Variants in FSTL5 observed in about 807,000 individuals in gnomAD.
The protein encoded by FSTL5 is follistatin like 5, also known as follistatin-related protein 5.
FSTL5 carries 62 observed loss-of-function variants against 89.1 expected under a neutral mutation model. The observed-to-expected ratio is 0.70, with a 90% CI of 0.57 to 0.86. The LOEUF is 0.86. Among genes scored for constraint, FSTL5 ranks in the 40% least tolerant of loss-of-function variants. The pLI, the probability that FSTL5 is intolerant of heterozygous loss-of-function variation, is 0.00. For synonymous variants in FSTL5, 383 were observed against 346.2 expected (o/e 1.11, Z -1.18); for missense variants, 1,057 against 1,001.6 (o/e 1.06, Z -0.75).
intron 15 of FSTL5, among the ~76,000 whole-genome samples, chr4:161,437,085 C>T (rs1732582529): frequency 1.3e-5 from 2 of 151,932 alleles, no homozygotes; most frequent in Admixed American, 1.3e-4. Context: ...CATATAACGC[C>T]ATTAAAATAG....
intron 6 of FSTL5, among the ~76,000 whole-genome samples, chr4:161,705,312 G>T (rs1428076971): frequency 6.6e-6 from 1 of 152,044 alleles, no homozygotes; most frequent in Non-Finnish European, 1.5e-5. Flanking sequence ...ACTGATTAGA[G>T]AGGATGACAT....
chr4:161,797,439 T>C (rs1188191524), intron 4 of FSTL5, among the ~76,000 whole-genome samples: 1 of 151,692 alleles, frequency 6.6e-6, no homozygotes, highest in Non-Finnish European at 1.5e-5. Context: ...CAGCATTTAA[T>C]CTTCCTAGTT....
chr4:161,569,981 C>A (rs986624875), intron 8 of FSTL5, among the ~76,000 whole-genome samples: 22 of 152,242 alleles, frequency 1.4e-4, no homozygotes, highest in African/African-American at 5.1e-4. Context: ...TTTCCAGAAC[C>A]AGGAGCTAAT....
chr4:161,478,761 A>G (rs1729392726), intron 13 of FSTL5, among the ~76,000 whole-genome samples: 1 of 152,108 alleles, frequency 6.6e-6, no homozygotes, highest in Non-Finnish European at 1.5e-5. Context: ...ACAAATGACC[A>G]TAAAATGCCA....
intron 7 of FSTL5, among the ~76,000 whole-genome samples, chr4:161,626,357 A>G (rs1200818470): frequency 2.0e-5 from 3 of 152,142 alleles, no homozygotes; most frequent in African/African-American, 7.2e-5. Flanking sequence ...GGCCCTAAGA[A>G]TTATTCTAAA....
intron 7 of FSTL5, among the ~76,000 whole-genome samples, chr4:161,637,988 C>G (rs960157981): frequency 1.3e-5 from 2 of 151,768 alleles, no homozygotes; most frequent in African/African-American, 4.8e-5. Context: ...TAGTTTTTTC[C>G]AATTCTGTGA....
chr4:162,015,723 A>C (rs149782579), intron 3 of FSTL5, among the ~76,000 whole-genome samples: 283 of 152,308 alleles, frequency 1.9e-3, no homozygotes, highest in African/African-American at 6.5e-3. Context: ...TTGGTAAAGC[A>C]CTGCCTCTAT....
intron 6 of FSTL5, among the ~76,000 whole-genome samples, chr4:161,686,605 C>T (rs1560789965): frequency 6.6e-6 from 1 of 151,266 alleles, no homozygotes; most frequent in African/African-American, 2.4e-5. Flanking sequence ...CGTGATCTGC[C>T]CACCTTGGCC....
At chr4:161,702,867 C>T (rs1339236582) in intron 6 of FSTL5, among the ~76,000 whole-genome samples, 1 of 151,920 alleles carries the variant, frequency 6.6e-6, no homozygotes, top group Admixed American at 6.6e-5. Flanking sequence ...GAATTGTGTC[C>T]CCTACAAAAT....
At chr4:161,683,060 A>G (rs1737582480) in intron 6 of FSTL5, among the ~76,000 whole-genome samples, 1 of 152,130 alleles carries the variant, frequency 6.6e-6, no homozygotes, top group African/African-American at 2.4e-5. Flanking sequence ...TTCTTTTTTA[A>G]TAAGTAGAAG....
At chr4:161,521,436 A>C (rs1731016245) in intron 10 of FSTL5, among the ~76,000 whole-genome samples, 1 of 152,136 alleles carries the variant, frequency 6.6e-6, no homozygotes. Flanking sequence ...GAGAAGCCTT[A>C]AGTCTTCTTT....
At chr4:162,042,979 G>C (rs1459161163) in intron 2 of FSTL5, among the ~76,000 whole-genome samples, 2 of 149,648 alleles carry the variant, frequency 1.3e-5, no homozygotes, top group African/African-American at 2.4e-5. Flanking sequence ...ATAGCATTGG[G>C]AGATATACCT....
intron 7 of FSTL5, among the ~76,000 whole-genome samples, chr4:161,635,161 G>A (rs1735642532): frequency 6.6e-6 from 1 of 152,128 alleles, no homozygotes; most frequent in African/African-American, 2.4e-5. Context: ...GGCCGAGGCA[G>A]GCAGATCACA....
At chr4:161,570,542 G>T (rs151159665) in intron 8 of FSTL5, among the ~76,000 whole-genome samples, 1,572 of 152,202 alleles carry the variant, frequency 0.01, 14 homozygotes, top group Non-Finnish European at 0.014. Flanking sequence ...AGAGACATTG[G>T]GAGCCAATGG....
At chr4:161,402,179 G>C (rs137993070) in intron 15 of FSTL5, among the ~76,000 whole-genome samples, 1 of 152,116 alleles carries the variant, frequency 6.6e-6, no homozygotes, top group East Asian at 1.9e-4. Context: ...AAACACAAAC[G>C]CACACACTTC....
chr4:161,840,417 G>GT (rs1731175212), intron 4 of FSTL5, among the ~76,000 whole-genome samples: 1 of 152,106 alleles, frequency 6.6e-6, no homozygotes, highest in Non-Finnish European at 1.5e-5. Flanking sequence ...GTTATACTCT[G>GT]TTTAGAGGGT....
At chr4:161,686,813 A>G (rs1737763764) in intron 6 of FSTL5, among the ~76,000 whole-genome samples, 1 of 152,170 alleles carries the variant, frequency 6.6e-6, no homozygotes, top group South Asian at 2.1e-4. Context: ...ACACTTTTAA[A>G]TAAAATTATT....
At chr4:161,995,364 A>G (rs1736257769) in intron 3 of FSTL5, among the ~76,000 whole-genome samples, 1 of 152,170 alleles carries the variant, frequency 6.6e-6, no homozygotes, top group Admixed American at 6.5e-5. Context: ...CGAACTTTGC[A>G]TAGTGAAGAT....
At chr4:161,471,776 A>G (rs764306729) in intron 13 of FSTL5, among the ~76,000 whole-genome samples, 8 of 152,056 alleles carry the variant, frequency 5.3e-5, no homozygotes, top group Non-Finnish European at 1.2e-4. Flanking sequence ...GTCTTGCTGC[A>G]TTTTGTGTTT....
Sources: allele counts gnomAD v4.1 joint callset (sites outside exome capture counted in the v4.1 genomes callset), GRCh38; gene constraint gnomAD v4.1.1; transcripts MANE v1.5; gene names NCBI Gene and HGNC (gene_info 2026-07-23, HGNC 2026-07-21).